The following MGAT5 variants were observed in gnomAD, a reference collection of about 807,000 sequenced individuals.
MGAT5 encodes alpha-1,6-mannosylglycoprotein 6-beta-N-acetylglucosaminyltransferase A.
In MGAT5, 30 loss-of-function variants were observed where a neutral mutation model predicts 94.3. The observed-to-expected ratio is 0.32, with a 90% CI of 0.24 to 0.43. MGAT5 has a LOEUF of 0.43. Among genes scored for constraint, MGAT5 ranks in the 20% least tolerant of loss-of-function variants. MGAT5 has a pLI of 1.00. For missense variants in MGAT5, 691 were observed against 905.5 expected (o/e 0.76, Z 3.04); for synonymous variants, 310 against 322.9 (o/e 0.96, Z 0.43).
chr2:134,154,189 G>C (rs1687367548), intron 1 of MGAT5, among the ~76,000 whole-genome samples: 1 of 152,160 alleles, frequency 6.6e-6, no homozygotes, highest in South Asian at 2.1e-4. Flanking sequence ...TGGGAGAAAC[G>C]AATATGGGTC....
chr2:134,183,270 G>A (rs1226687388), intron 1 of MGAT5, among the ~76,000 whole-genome samples: 1 of 152,088 alleles, frequency 6.6e-6, no homozygotes, highest in Non-Finnish European at 1.5e-5. Context: ...AAATTAATAC[G>A]GTTGCTTTCA....
chr2:134,392,917 T>G, intron 10 of MGAT5, among the ~76,000 whole-genome samples: 1 of 152,276 alleles, frequency 6.6e-6, no homozygotes, highest in East Asian at 1.9e-4. Flanking sequence ...GGGATGGGTC[T>G]GCCCCACACC....
At chr2:134,245,298 A>C (rs945082542) in intron 1 of MGAT5, among the ~76,000 whole-genome samples, 4 of 152,294 alleles carry the variant, frequency 2.6e-5, no homozygotes, top group Non-Finnish European at 4.4e-5. Flanking sequence ...CGTGAGCCAC[A>C]GCGCCCAGCC....
intron 10 of MGAT5, among the ~76,000 whole-genome samples, chr2:134,399,497 G>T (rs1424002050): frequency 6.6e-6 from 1 of 152,272 alleles, no homozygotes; most frequent in African/African-American, 2.4e-5. Flanking sequence ...GTTTTAATCA[G>T]TTAGATCAGT....
intron 1 of MGAT5, among the ~76,000 whole-genome samples, chr2:134,185,208 TAA>T: frequency 6.6e-6 from 1 of 152,182 alleles, no homozygotes; most frequent in Non-Finnish European, 1.5e-5. Context: ...TCATTTATAT[TAA>T]GTCTTGAGTC....
chr2:134,350,399 C>G (rs1022611035), intron 9 of MGAT5, among the ~76,000 whole-genome samples: 5 of 152,050 alleles, frequency 3.3e-5, no homozygotes, highest in African/African-American at 1.2e-4. Context: ...AAAAATGGAG[C>G]TGTTTTAAAC....
chr2:134,370,190 T>C (rs1015735853), intron 10 of MGAT5, among the ~76,000 whole-genome samples: 2 of 152,226 alleles, frequency 1.3e-5, no homozygotes, highest in Non-Finnish European at 2.9e-5. Flanking sequence ...TTAACTGCTC[T>C]TAGCTCATTG....
At chr2:134,144,566 G>A (rs983014385) in intron 1 of MGAT5, among the ~76,000 whole-genome samples, 1 of 152,068 alleles carries the variant, frequency 6.6e-6, no homozygotes, top group African/African-American at 2.4e-5. Flanking sequence ...ACCATATCAC[G>A]CACTAAGTTC....
At chr2:134,130,968 A>G (rs1686128034) in intron 1 of MGAT5, among the ~76,000 whole-genome samples, 1 of 152,224 alleles carries the variant, frequency 6.6e-6, no homozygotes, top group Admixed American at 6.5e-5. Flanking sequence ...GGGGCCAGAT[A>G]AGGGAATAAA....
intron 9 of MGAT5, among the ~76,000 whole-genome samples, chr2:134,352,838 G>A (rs1317559176): frequency 6.6e-6 from 1 of 152,116 alleles, no homozygotes; most frequent in Non-Finnish European, 1.5e-5. Context: ...TAAAGAAAAT[G>A]TAGTGTACAT....
At chr2:134,430,699 C>A (rs1305911743) in intron 14 of MGAT5, among the ~76,000 whole-genome samples, 1 of 149,506 alleles carries the variant, frequency 6.7e-6, no homozygotes, top group Non-Finnish European at 1.5e-5. Flanking sequence ...CTGCAGAGAT[C>A]TGCAGTTCAC....
At chr2:134,429,348 G>A (rs560378304) in intron 14 of MGAT5, among the ~76,000 whole-genome samples, 1 of 152,348 alleles carries the variant, frequency 6.6e-6, no homozygotes, top group East Asian at 1.9e-4. Flanking sequence ...GGAGCTGGGA[G>A]CCGTGGTCAT....
intron 10 of MGAT5, among the ~76,000 whole-genome samples, chr2:134,399,475 A>C (rs1682912117): frequency 6.6e-6 from 1 of 152,182 alleles, no homozygotes; most frequent in Non-Finnish European, 1.5e-5. Context: ...AAATGAGCTT[A>C]GGTGGATTTA....
At chr2:134,407,591 CAAGT>C (rs1415442752) in intron 11 of MGAT5, among the ~76,000 whole-genome samples, 1 of 152,080 alleles carries the variant, frequency 6.6e-6, no homozygotes, top group Non-Finnish European at 1.5e-5. Context: ...TTTCATCCAG[CAAGT>C]AAGTATAATA....
intron 1 of MGAT5, among the ~76,000 whole-genome samples, chr2:134,180,771 C>A (rs2105169914): frequency 6.6e-6 from 1 of 152,210 alleles, no homozygotes; most frequent in East Asian, 1.9e-4. Context: ...AGAAGGAGAC[C>A]AGGAATGTTT....
At chr2:134,309,407 C>T (rs1438678194) in intron 2 of MGAT5, among the ~76,000 whole-genome samples, 1 of 152,206 alleles carries the variant, frequency 6.6e-6, no homozygotes, top group Non-Finnish European at 1.5e-5. Flanking sequence ...TTTTCCAAAG[C>T]AGCTACACTA....
At chr2:134,240,113 C>A (rs1445898111) in intron 1 of MGAT5, among the ~76,000 whole-genome samples, 1 of 152,132 alleles carries the variant, frequency 6.6e-6, no homozygotes, top group African/African-American at 2.4e-5. Context: ...TGAGCAAAAC[C>A]TTTGACATGT....
At chr2:134,235,602 C>G (rs1681597798) in intron 1 of MGAT5, among the ~76,000 whole-genome samples, 1 of 151,928 alleles carries the variant, frequency 6.6e-6, no homozygotes, top group African/African-American at 2.4e-5. Flanking sequence ...AATCAGGGCA[C>G]TTTAAAAAAA....
intron 1 of MGAT5, among the ~76,000 whole-genome samples, chr2:134,147,616 GA>G (rs1343670452): frequency 4.1e-5 from 6 of 148,116 alleles, no homozygotes; most frequent in Admixed American, 2.0e-4. Flanking sequence ...AAAAAGAAAA[GA>G]AAAAAAAGGA....
Sources: allele counts gnomAD v4.1 joint callset (sites outside exome capture counted in the v4.1 genomes callset), GRCh38; gene constraint gnomAD v4.1.1; transcripts MANE v1.5; gene names NCBI Gene and HGNC (gene_info 2026-07-23, HGNC 2026-07-21).